Variants in FHIP1A observed in about 807,000 individuals in gnomAD.
The protein encoded by FHIP1A is FHF complex subunit HOOK-interacting protein 1A.
A neutral mutation model predicts 88.6 loss-of-function variants in FHIP1A; 61 were observed. The ratio of observed to expected loss-of-function variants is 0.69; its 90% CI spans 0.56 to 0.85. The LOEUF is 0.85. FHIP1A is among the 40% of genes least tolerant of loss of function. FHIP1A has a pLI of 0.00. For synonymous variants in FHIP1A, 478 were observed against 496.0 expected (o/e 0.96, Z 0.48); for missense variants, 1,154 against 1,273.5 (o/e 0.91, Z 1.43).
intron 2 of FHIP1A, among the ~76,000 whole-genome samples, chr4:151,470,150 C>T (rs988946849): frequency 6.6e-6 from 1 of 152,154 alleles, no homozygotes; most frequent in Non-Finnish European, 1.5e-5. Context: ...TATGGTAATT[C>T]CATTTGTCTT....
intron 1 of FHIP1A, among the ~76,000 whole-genome samples, chr4:151,445,272 C>T (rs1292758318): frequency 6.6e-6 from 1 of 152,008 alleles, no homozygotes; most frequent in African/African-American, 2.4e-5. Context: ...AGCATAGGAA[C>T]CTCAGTCTTG....
chr4:151,490,169 T>A, intron 3 of FHIP1A, among the ~76,000 whole-genome samples: 1 of 152,210 alleles, frequency 6.6e-6, no homozygotes, highest in South Asian at 2.1e-4. Flanking sequence ...TCTGTCTGTG[T>A]GACAGCTTCA....
chr4:151,569,986 C>T (rs1733536493), intron 4 of FHIP1A, among the ~76,000 whole-genome samples: 1 of 152,142 alleles, frequency 6.6e-6, no homozygotes, highest in Non-Finnish European at 1.5e-5. Context: ...GAAAGTAGCC[C>T]CTGACTTCCT....
At chr4:151,662,362 C>A in intron 13 of FHIP1A, 139 bp from the exon 14 acceptor site, 1 of 851,670 alleles carries the variant, frequency 1.2e-6, no homozygotes, top group African/African-American at 1.7e-5. Flanking sequence ...GCTGCATCTT[C>A]AGGATTTAGT....
In FHIP1A at chr4:151,667,685, T is replaced by C. The variant is rs542145510; in HGVS notation, c.*4931T>C. ...GCACGTAGAATCCTAAAACTGATCA[T>C]GATTTTAGCTAGGACTGACCTTTCC... On this transcript the variant is annotated 3_prime_UTR_variant, in exon 14 of 14. Transcript: ENST00000435205. 4.2e-4 allele frequency among the ~76,000 whole-genome samples: 64 copies of C among 152,324 alleles called. No homozygotes were observed. The Middle Eastern group carries it at 0.01, about 24-fold the overall frequency.
At chr4:151,614,703 G>T (rs1247019939) in intron 7 of FHIP1A, among the ~76,000 whole-genome samples, 1 of 152,136 alleles carries the variant, frequency 6.6e-6, no homozygotes, top group Non-Finnish European at 1.5e-5. Flanking sequence ...GGTGGAGTCA[G>T]TCCCTGTATA....
intron 7 of FHIP1A, among the ~76,000 whole-genome samples, chr4:151,599,296 T>C (rs1237305844): frequency 6.6e-6 from 1 of 152,232 alleles, no homozygotes; most frequent in Non-Finnish European, 1.5e-5. Flanking sequence ...GCTAGTTTTG[T>C]TGTCTCTGTA....
chr4:151,457,161 C>A (rs1429461963), intron 2 of FHIP1A, among the ~76,000 whole-genome samples: 1 of 151,958 alleles, frequency 6.6e-6, no homozygotes, highest in East Asian at 1.9e-4. Context: ...GTTTTTTTCC[C>A]CATAAATGAT....
At chr4:151,541,678 G>A (rs1732296468) in intron 3 of FHIP1A, among the ~76,000 whole-genome samples, 1 of 152,130 alleles carries the variant, frequency 6.6e-6, no homozygotes, top group African/African-American at 2.4e-5. Context: ...ACATATTTTT[G>A]TTGGCAAGCT....
intron 1 of FHIP1A, among the ~76,000 whole-genome samples, chr4:151,415,268 C>T (rs1362684670): frequency 6.6e-6 from 1 of 151,384 alleles, no homozygotes; most frequent in Non-Finnish European, 1.5e-5. Context: ...CTCACTGCAA[C>T]CTCTCCCTCC....
chr4:151,428,709 C>T (rs898182404), intron 1 of FHIP1A, among the ~76,000 whole-genome samples: 1 of 152,292 alleles, frequency 6.6e-6, no homozygotes, highest in South Asian at 2.1e-4. Flanking sequence ...TCATGATACT[C>T]TCTCACTAAC....
At chr4:151,558,683 G>A (rs747532896) in intron 3 of FHIP1A, among the ~76,000 whole-genome samples, 26 of 152,292 alleles carry the variant, frequency 1.7e-4, no homozygotes, top group Non-Finnish European at 3.8e-4. Context: ...TACTTTGACC[G>A]ATTTCGTTGT....
At chr4:151,555,948 T>C (rs1732930412) in intron 3 of FHIP1A, among the ~76,000 whole-genome samples, 1 of 152,166 alleles carries the variant, frequency 6.6e-6, no homozygotes, top group African/African-American at 2.4e-5. Flanking sequence ...TAGCATCCCT[T>C]TTATTTTTTT....
At chr4:151,620,898 C>A (rs1360374751) in intron 7 of FHIP1A, among the ~76,000 whole-genome samples, 17 of 148,758 alleles carry the variant, frequency 1.1e-4, no homozygotes, top group Non-Finnish European at 4.4e-5. Flanking sequence ...AAACCCCACA[C>A]AAAACCCCAC....
At chr4:151,514,127 T>C (rs990261187) in intron 3 of FHIP1A, among the ~76,000 whole-genome samples, 15 of 152,252 alleles carry the variant, frequency 9.9e-5, no homozygotes, top group African/African-American at 3.4e-4. Context: ...TGCAATCAAA[T>C]TAGAACTCAG....
chr4:151,456,005 A>G (rs1728955464), intron 2 of FHIP1A, among the ~76,000 whole-genome samples: 1 of 152,222 alleles, frequency 6.6e-6, no homozygotes, highest in East Asian at 1.9e-4. Context: ...CAGGTTTTCC[A>G]TTAGTGATAA....
intron 3 of FHIP1A, among the ~76,000 whole-genome samples, chr4:151,534,461 T>C (rs1244273363): frequency 6.6e-6 from 1 of 152,210 alleles, no homozygotes; most frequent in Admixed American, 6.5e-5. Context: ...GGGAGGCTGA[T>C]CTCTGTAAGC....
chr4:151,618,150 T>C (rs2126859058), intron 7 of FHIP1A, among the ~76,000 whole-genome samples: 1 of 152,368 alleles, frequency 6.6e-6, no homozygotes, highest in East Asian at 1.9e-4. Flanking sequence ...ACACTCAATA[T>C]ATATGCAGTT....
rs10212967 is a variant in FHIP1A at position 151,470,734 on chromosome 4, A to T, written c.-247-11790A>T. ...TGCCCTGCCATCTTACAGTCTAGCT[A>T]GTGAAACCTGACAGATCATGTGAAA... is the stretch of plus-strand genomic sequence containing the variant. On this transcript the variant is annotated intron_variant, in intron 2 of 13. Coordinates refer to ENST00000435205, the MANE Select transcript of FHIP1A (RefSeq NM_001109977.3). Among the ~76,000 whole-genome samples the T allele has an allele frequency of 0.017, 2,529 of 152,312 alleles. 116 individuals carry two copies. The South Asian group carries it at 0.21, about 13-fold the overall frequency.
Sources: gnomAD v4.1 joint callset for allele counts (sites outside exome capture counted in the v4.1 genomes callset) on GRCh38, gnomAD v4.1.1 for gene constraint, MANE v1.5 for transcripts, NCBI Gene and HGNC (gene_info 2026-07-23, HGNC 2026-07-21) for gene names.